Variants in SIPA1L3 observed in about 807,000 individuals in gnomAD.
The protein encoded by SIPA1L3 is signal-induced proliferation-associated 1-like protein 3.
SIPA1L3 carries 59 observed loss-of-function variants against 150.1 expected under a neutral mutation model. That is an observed-to-expected ratio of 0.39 (90% CI 0.32 to 0.49). SIPA1L3 has a LOEUF of 0.49. Among genes scored for constraint, SIPA1L3 ranks in the 20% least tolerant of loss-of-function variants. SIPA1L3 has a pLI of 0.86. For missense variants in SIPA1L3, 2,211 were observed against 2,489.5 expected (o/e 0.89, Z 2.38); for synonymous variants, 1,070 against 1,077.6 (o/e 0.99, Z 0.14).
At chr19:38,175,950 G>A (rs1972426525) in intron 15 of SIPA1L3, among the ~76,000 whole-genome samples, 1 of 152,142 alleles carries the variant, frequency 6.6e-6, no homozygotes, top group East Asian at 1.9e-4. Flanking sequence ...GCTCACGCCT[G>A]TAATCCCAGC....
At chr19:37,953,717 G>A (rs192262429) in intron 1 of SIPA1L3, among the ~76,000 whole-genome samples, 1 of 152,310 alleles carries the variant, frequency 6.6e-6, no homozygotes, top group East Asian at 1.9e-4. Flanking sequence ...GAAAGAAGGG[G>A]CTGTGAGGCC....
At chr19:38,013,804 T>C (rs1034274449) in intron 1 of SIPA1L3, among the ~76,000 whole-genome samples, 3 of 152,248 alleles carry the variant, frequency 2.0e-5, no homozygotes, top group African/African-American at 7.2e-5. Context: ...TTTCAGGGAA[T>C]GATTGAATAA....
intron 1 of SIPA1L3, among the ~76,000 whole-genome samples, chr19:37,938,802 T>C (rs558150363): frequency 1.3e-5 from 2 of 152,176 alleles, no homozygotes; most frequent in South Asian, 4.1e-4. Context: ...TTTGTATTTT[T>C]AGTAGAGACG....
At chr19:38,177,936 G>T (rs975096135) in intron 15 of SIPA1L3, among the ~76,000 whole-genome samples, 10 of 152,116 alleles carry the variant, frequency 6.6e-5, no homozygotes, top group African/African-American at 2.2e-4. Context: ...TGAGGCACAA[G>T]AATCGCTTGA....
At chr19:38,033,654 T>C (rs1357499709) in intron 2 of SIPA1L3, among the ~76,000 whole-genome samples, 1 of 145,060 alleles carries the variant, frequency 6.9e-6, no homozygotes, top group African/African-American at 2.6e-5. Context: ...CCCCGGGCAA[T>C]AGAGCGAGAG....
intron 18 of SIPA1L3, among the ~76,000 whole-genome samples, chr19:38,194,821 C>G (rs1291974748): frequency 6.6e-6 from 1 of 152,114 alleles, no homozygotes; most frequent in African/African-American, 2.4e-5. Context: ...GAGGCCGAGG[C>G]GGGTGGATCA....
chr19:38,202,018 C>T, intron 20 of SIPA1L3, 21 bp downstream of exon 20: 1 of 1,595,756 alleles, frequency 6.3e-7, no homozygotes, highest in Non-Finnish European at 8.5e-7. Flanking sequence ...CCTGGGAACA[C>T]CCGGGTTCAT....
chr19:38,038,165 G>A (rs1186231262), intron 2 of SIPA1L3, among the ~76,000 whole-genome samples: 1 of 152,114 alleles, frequency 6.6e-6, no homozygotes, highest in African/African-American at 2.4e-5. Flanking sequence ...GAGCATGGAG[G>A]GAGAGGAGGG....
intron 1 of SIPA1L3, among the ~76,000 whole-genome samples, chr19:37,996,746 A>G (rs1967645729): frequency 6.6e-6 from 1 of 151,904 alleles, no homozygotes; most frequent in African/African-American, 2.4e-5. Context: ...CCTAGGCTGT[A>G]GTGCAGTGGT....
intron 4 of SIPA1L3, among the ~76,000 whole-genome samples, chr19:38,094,172 G>A (rs1970326640): frequency 6.6e-6 from 1 of 152,190 alleles, no homozygotes. Context: ...AAAAAGGAAA[G>A]TTTCATTAGT....
intron 1 of SIPA1L3, among the ~76,000 whole-genome samples, chr19:38,027,610 TGTGGTCTAGCCAG>T (rs1968543141): frequency 6.6e-6 from 1 of 151,744 alleles, no homozygotes; most frequent in Non-Finnish European, 1.5e-5. Flanking sequence ...TGTGACAGAG[TGTGGTCTAGCCAG>T]GTGGTCAGAA....
At chr19:38,109,838 A>G (rs1970699893) in intron 7 of SIPA1L3, 1 of 189,556 alleles carries the variant, frequency 5.3e-6, no homozygotes, top group African/African-American at 2.3e-5. Flanking sequence ...TAATGGGGAC[A>G]GAAAAGCAAA....
At chr19:38,128,362 A>C (rs913399902) in intron 9 of SIPA1L3, among the ~76,000 whole-genome samples, 3 of 152,054 alleles carry the variant, frequency 2.0e-5, no homozygotes, top group Non-Finnish European at 4.4e-5. Flanking sequence ...CGTTTCCCCC[A>C]CTTTCCAAAT....
intron 1 of SIPA1L3, among the ~76,000 whole-genome samples, chr19:37,922,618 C>G (rs1321668964): frequency 1.3e-5 from 2 of 151,216 alleles, no homozygotes; most frequent in African/African-American, 2.4e-5. Flanking sequence ...TGGTCTCGAT[C>G]TCCTGACCTC....
chr19:37,984,474 G>C (rs547656130), intron 1 of SIPA1L3, among the ~76,000 whole-genome samples: 1 of 152,150 alleles, frequency 6.6e-6, no homozygotes, highest in South Asian at 2.1e-4. Flanking sequence ...TGGATAAAAA[G>C]AAATCCCCCA....
intron 20 of SIPA1L3, 120 bp downstream of exon 20, chr19:38,202,117 A>C: frequency 3.2e-6 from 3 of 949,108 alleles, no homozygotes; most frequent in South Asian, 1.8e-5. Context: ...GCGGAAGCTG[A>C]TATAGCAGCT....
At chr19:38,100,365 G>A (rs1201750926) in intron 5 of SIPA1L3, among the ~76,000 whole-genome samples, 1 of 152,182 alleles carries the variant, frequency 6.6e-6, no homozygotes, top group Non-Finnish European at 1.5e-5. Flanking sequence ...GATTGTCTGG[G>A]GGTGAGATAG....
intron 10 of SIPA1L3, among the ~76,000 whole-genome samples, chr19:38,139,211 C>T (rs1971514394): frequency 6.6e-6 from 1 of 152,118 alleles, no homozygotes; most frequent in African/African-American, 2.4e-5. Flanking sequence ...AAACAAACAA[C>T]TGATGCTCGT....
intron 8 of SIPA1L3, among the ~76,000 whole-genome samples, chr19:38,113,166 G>A (rs1430959732): frequency 6.6e-6 from 1 of 151,114 alleles, no homozygotes; most frequent in Non-Finnish European, 1.5e-5. Context: ...AGCCAAGATT[G>A]CACCACTGCA....
Sources: gnomAD v4.1 joint callset for allele counts (sites outside exome capture counted in the v4.1 genomes callset) on GRCh38, gnomAD v4.1.1 for gene constraint, MANE v1.5 for transcripts, NCBI Gene and HGNC (gene_info 2026-07-23, HGNC 2026-07-21) for gene names.